FGD6: variants seen among roughly 807,000 people sequenced by gnomAD.
FGD6 encodes FYVE, RhoGEF and PH domain containing 6, also known as FYVE, RhoGEF and PH domain-containing protein 6.
In FGD6, 90 loss-of-function variants were observed where a neutral mutation model predicts 149.4. The observed-to-expected ratio is 0.60, with a 90% CI of 0.51 to 0.72. The LOEUF (loss-of-function observed/expected upper bound fraction) is 0.72, where lower values mean the gene tolerates loss of function less well. FGD6 is among the 30% of genes least tolerant of loss of function. The pLI, the probability that FGD6 is intolerant of heterozygous loss-of-function variation, is 0.00. For synonymous variants in FGD6, 527 were observed against 584.0 expected (o/e 0.90, Z 1.41); for missense variants, 1,437 against 1,684.8 (o/e 0.85, Z 2.57).
intron 8 of FGD6, among the ~76,000 whole-genome samples, chr12:95,128,108 T>A (rs911232060): frequency 3.3e-5 from 5 of 152,226 alleles, no homozygotes; most frequent in African/African-American, 1.2e-4. Flanking sequence ...TCCTTAAATA[T>A]TTTTGTATGC....
intron 2 of FGD6, among the ~76,000 whole-genome samples, chr12:95,192,936 T>C (rs1881634208): frequency 6.6e-6 from 1 of 152,206 alleles, no homozygotes; most frequent in Non-Finnish European, 1.5e-5. Flanking sequence ...CAGACTGCCA[T>C]AATGTGATAT....
At position 95,113,714 on chromosome 12, in the gene FGD6, A is replaced by G. The variant is rs1878911676; in HGVS notation, c.3083-13T>C. 2.6e-6 allele frequency: 4 copies of G among 1,527,538 alleles called. No individual in the cohort carries two copies. Among genetic ancestry groups the G allele is most frequent in the South Asian group, 2.4e-5 (2 of 85,018 alleles). 94.6% of individuals were successfully genotyped at this position (1,527,538 alleles called of 1,614,324 possible). A position where few individuals can be genotyped will look rare whatever the true frequency, so the allele number is the denominator to read the frequency against. ...TTCTTCAAATAATCTAGAAAAGAAG[A>G]AAAAAAAGTATTTAAGTACAATAAA... On this transcript the variant is annotated splice_polypyrimidine_tract_variant and intron_variant, in intron 8 of 20. Transcript: ENST00000343958.
chr12:95,184,580 C>T (rs952431182), intron 2 of FGD6, among the ~76,000 whole-genome samples: 13 of 87,488 alleles, frequency 1.5e-4, no homozygotes, highest in Admixed American at 1.2e-3. Context: ...TCTTCCTGCA[C>T]GTTTTTTTTT....
At chr12:95,205,026 G>A (rs970884939) in intron 2 of FGD6, among the ~76,000 whole-genome samples, 3 of 152,176 alleles carry the variant, frequency 2.0e-5, no homozygotes, top group Non-Finnish European at 2.9e-5. Context: ...CCAGCACTTT[G>A]GGAGGCTAAG....
chr12:95,150,007 C>G lies in FGD6; in HGVS notation c.2685+2804G>C, dbSNP rs1011520789. Among the ~76,000 whole-genome samples the G allele has an allele frequency of 1.2e-3, 114 of 97,602 alleles. 1 individual carries two copies. Among genetic ancestry groups the G allele is most frequent in the African/African-American group, 3.9e-3 (110 of 28,562 alleles). The allele number at this position is 97,602 out of a possible 152,430, so 64.0% of individuals were successfully genotyped here. On this transcript the variant is annotated intron_variant, in intron 5 of 20. Coordinates refer to ENST00000343958, the MANE Select transcript of FGD6 (RefSeq NM_018351.4). Reference sequence around the variant, plus strand: ...ATGCTATATATTACACACACACACACACACACACACACACACACACACACA... The same window carrying G: ...ATGCTATATATTACACACACACACAGACACACACACACACACACACACACA...
In FGD6 at chr12:95,085,917, G is replaced by A. The variant is rs932459997; in HGVS notation, c.3979-9C>T. On this transcript the variant is annotated splice_polypyrimidine_tract_variant and intron_variant, in intron 18 of 20. Transcript: ENST00000343958. ...TCTGTGTTTGCTGATACCTAGATAA[G>A]AAACCCCATACAAAGTTTAATGGTT... is the stretch of plus-strand genomic sequence containing the variant. The A allele has an allele frequency of 5.0e-6, 8 of 1,593,402 alleles. No homozygotes were observed. The highest frequency in any genetic ancestry group is 6.8e-6 in the Non-Finnish European group (8 of 1,174,588).
chr12:95,098,321 A>G (rs1181894857), intron 14 of FGD6, among the ~76,000 whole-genome samples: 2 of 151,852 alleles, frequency 1.3e-5, no homozygotes, highest in Non-Finnish European at 2.9e-5. Flanking sequence ...CCTTTAGGCC[A>G]CCTCCCAAAC....
chr12:95,093,417 C>T lies in FGD6; in HGVS notation c.3601-572G>A, dbSNP rs189793529. On this transcript the variant is annotated intron_variant, in intron 15 of 20. Coordinates refer to ENST00000343958, the MANE Select transcript of FGD6 (RefSeq NM_018351.4). Reference sequence around the variant, plus strand: ...AAAAATTGCCAGGCGCGGTGGCTCACGCCTGTAATACCAGCACTTTGGGAG... The same window carrying T: ...AAAAATTGCCAGGCGCGGTGGCTCATGCCTGTAATACCAGCACTTTGGGAG... Among the ~76,000 whole-genome samples the T allele has an allele frequency of 6.4e-3, 974 of 152,070 alleles. 12 individuals are homozygous for T. Among genetic ancestry groups the T allele is most frequent in the African/African-American group, 0.022 (919 of 41,476 alleles).
intron 2 of FGD6, among the ~76,000 whole-genome samples, chr12:95,199,783 T>TTA (rs1468188409): frequency 1.3e-5 from 2 of 152,148 alleles, no homozygotes; most frequent in Non-Finnish European, 2.9e-5. Flanking sequence ...TTTTGTATTT[T>TTA]TAGTAGAGAC....
At chr12:95,193,825 GGC>G (rs1417371399) in intron 2 of FGD6, among the ~76,000 whole-genome samples, 1 of 151,974 alleles carries the variant, frequency 6.6e-6, no homozygotes, top group East Asian at 1.9e-4. Flanking sequence ...CACCATGCCT[GGC>G]CCATGCTGAA....
At chr12:95,155,483 G>A (rs1033706060) in intron 3 of FGD6, among the ~76,000 whole-genome samples, 4 of 152,146 alleles carry the variant, frequency 2.6e-5, no homozygotes, top group African/African-American at 9.7e-5. Context: ...AGCCGAGATG[G>A]TGCCACTGCA....
At chr12:95,211,828 G>A (rs1422074846) in intron 1 of FGD6, among the ~76,000 whole-genome samples, 1 of 152,066 alleles carries the variant, frequency 6.6e-6, no homozygotes, top group Non-Finnish European at 1.5e-5. Flanking sequence ...GTGAGCCACC[G>A]CGCCCAGCCC....
At chr12:95,136,399 C>G (rs1034712423) in intron 7 of FGD6, among the ~76,000 whole-genome samples, 24 of 152,062 alleles carry the variant, frequency 1.6e-4, no homozygotes, top group African/African-American at 5.6e-4. Context: ...CAAAAAAAAC[C>G]CTTTTCACTT....
chr12:95,135,398 T>C (rs1256807383), intron 7 of FGD6, among the ~76,000 whole-genome samples: 1 of 152,192 alleles, frequency 6.6e-6, no homozygotes, highest in East Asian at 1.9e-4. Flanking sequence ...CTTTTGCAGA[T>C]GAATGGCCTT....
At chr12:95,131,510 A>C (rs568410876) in intron 8 of FGD6, among the ~76,000 whole-genome samples, 164 of 152,242 alleles carry the variant, frequency 1.1e-3, no homozygotes, top group Middle Eastern at 3.4e-3. Context: ...TAAATTATAG[A>C]TATAAGACAC....
chr12:95,118,421 A>G lies in FGD6; in HGVS notation c.3083-4720T>C, dbSNP rs530161424. Reference sequence around the variant, plus strand: ...ATATACTATATCTTGTTGGAAATCTAAGTTTTCTGTATAAGGGTTCCCAGG... The same window carrying G: ...ATATACTATATCTTGTTGGAAATCTGAGTTTTCTGTATAAGGGTTCCCAGG... On this transcript the variant is annotated intron_variant, in intron 8 of 20. Coordinates refer to ENST00000343958, the MANE Select transcript of FGD6 (RefSeq NM_018351.4). 3.9e-5 allele frequency among the ~76,000 whole-genome samples: 6 copies of G among 152,104 alleles called. No individual in the cohort carries two copies. The South Asian group carries it at 8.3e-4, about 21-fold the overall frequency.
At chr12:95,105,153 G>A in intron 13 of FGD6, 67 bp from the exon 14 acceptor site, 2 of 1,391,094 alleles carry the variant, frequency 1.4e-6, no homozygotes, top group South Asian at 2.5e-5. Context: ...AGCTGAAGTT[G>A]TCCAATGGCC....
At chr12:95,128,465 T>C (rs1879414579) in intron 8 of FGD6, among the ~76,000 whole-genome samples, 1 of 152,154 alleles carries the variant, frequency 6.6e-6, no homozygotes, top group Non-Finnish European at 1.5e-5. Flanking sequence ...GGTTTCAAAC[T>C]CCTGGGCTCA....
intron 8 of FGD6, among the ~76,000 whole-genome samples, chr12:95,132,718 C>G (rs958874659): frequency 1.6e-4 from 24 of 152,202 alleles, no homozygotes; most frequent in African/African-American, 5.1e-4. Context: ...CACCACTGCA[C>G]TCCAGCCTGG....
Sources: allele counts gnomAD v4.1 joint callset (sites outside exome capture counted in the v4.1 genomes callset), GRCh38; gene constraint gnomAD v4.1.1; transcripts MANE v1.5; gene names NCBI Gene and HGNC (gene_info 2026-07-23, HGNC 2026-07-21).